CPS1: variants seen among roughly 807,000 people sequenced by gnomAD.
CPS1 encodes carbamoyl-phosphate synthase 1, also known as carbamoyl-phosphate synthase [ammonia], mitochondrial.
CPS1 carries 109 observed loss-of-function variants against 174.6 expected under a neutral mutation model. That is an observed-to-expected ratio of 0.62 (90% CI 0.53 to 0.73). CPS1 has a LOEUF of 0.73. Ranked by LOEUF, CPS1 falls within the 30% of genes least tolerant of loss-of-function variation. CPS1 has a pLI of 0.00. For synonymous variants in CPS1, 637 were observed against 632.0 expected, an observed-to-expected ratio of 1.01 and a Z score of -0.12; for missense variants, 1,689 against 1,821.9, an observed-to-expected ratio of 0.93 and a Z score of 1.33.
At chr2:210,525,669 G>A (rs983541490) in intron 1 of CPS1, among the ~76,000 whole-genome samples, 2 of 116,428 alleles carry the variant, frequency 1.7e-5, no homozygotes, top group East Asian at 2.3e-4. Context: ...CACAGAGGAA[G>A]CTCTTGAGTC....
rs377530333 is a variant in CPS1, at chr2:210,590,282, T to C, written c.840+48T>C. The C allele has an allele frequency of 2.5e-5, 40 of 1,611,248 alleles. No individual in the cohort carries two copies. The African/African-American group carries it at 4.4e-4, about 18-fold the overall frequency. ...GTGTATCTGTGTGGGAGGTGGGGGCTTCCGCTCTATACCCTCAAAGGGCTG... is the reference window on the plus strand; with the variant it reads ...GTGTATCTGTGTGGGAGGTGGGGGCCTCCGCTCTATACCCTCAAAGGGCTG... On this transcript the variant is annotated intron_variant, in intron 8 of 37. Coordinates refer to ENST00000233072, the MANE Select transcript of CPS1 (RefSeq NM_001875.5).
At position 210,628,323 on chromosome 2, in the gene CPS1, G is replaced by C. The variant is rs896327803; in HGVS notation, c.2688-9379G>C. 4.6e-5 allele frequency among the ~76,000 whole-genome samples: 7 copies of C among 152,070 alleles called. 1 individual carries two copies. Among genetic ancestry groups the C allele is most frequent in the African/African-American group, 1.7e-4 (7 of 41,400 alleles). ...ATAAAGATATCTGCTTTCCATGTAGGTAGTAAGCCTCATATCAACATAGAC... is the reference window on the plus strand; with the variant it reads ...ATAAAGATATCTGCTTTCCATGTAGCTAGTAAGCCTCATATCAACATAGAC... On this transcript the variant is annotated intron_variant, in intron 21 of 37. Transcript: ENST00000233072.
At chr2:210,542,959 A>G (rs889645834) in intron 1 of CPS1, among the ~76,000 whole-genome samples, 1 of 152,126 alleles carries the variant, frequency 6.6e-6, no homozygotes, top group Non-Finnish European at 1.5e-5. Context: ...ACCACAAGCA[A>G]CATGGCAGAG....
Position 210,591,890 on chromosome 2 carries a change from A to G in CPS1, c.1007A>G (p.Asn336Ser). ...AAACAGGCTTTCATTACTGCTCAGA[A>G]TCATGGCTATGCCTTGGACAACACC... ...TNKQAFITAQ[N>S]HGYALDNTLP... Residue 336 changes from asparagine to serine, a missense_variant, in exon 10 of 38, where the codon AAT becomes AGT. Asn to Ser is a conservative substitution (Grantham distance 46). Transcript: ENST00000233072. The G allele has an allele frequency of 6.2e-7, 1 of 1,612,598 alleles. No individual in the cohort carries two copies. The highest frequency in any genetic ancestry group is 8.5e-7 in the Non-Finnish European group (1 of 1,179,104).
chr2:210,577,455 A>T lies in CPS1; in HGVS notation c.416A>T (p.Asp139Val). 6.2e-7 allele frequency: 1 copy of T among 1,613,934 alleles called. No homozygotes were observed. Among genetic ancestry groups the T allele is most frequent in the Non-Finnish European group, 8.5e-7 (1 of 1,179,884 alleles). ...SGLLVLDYSK[D>V]YNHWLATKSL... ...TTGCTGGTGCTGGATTATAGTAAAGACTACAACCACTGGCTGGCTACCAAG... is the reference window on the plus strand; with the variant it reads ...TTGCTGGTGCTGGATTATAGTAAAGTCTACAACCACTGGCTGGCTACCAAG... The change falls in exon 4 of 38, where the codon GAC (aspartate) becomes GTC (valine). Residue 139 changes from aspartate to valine, a missense_variant. Asp to Val is a radical substitution (Grantham distance 152). Transcript: ENST00000233072.
intron 21 of CPS1, among the ~76,000 whole-genome samples, chr2:210,634,246 C>T (rs1699960879): frequency 6.6e-6 from 1 of 152,162 alleles, no homozygotes; most frequent in African/African-American, 2.4e-5. Flanking sequence ...CTGGCTAAGA[C>T]GGTGAAACTC....
At chr2:210,564,821 C>T (rs1469416259) in intron 1 of CPS1, among the ~76,000 whole-genome samples, 1 of 151,842 alleles carries the variant, frequency 6.6e-6, no homozygotes, top group Non-Finnish European at 1.5e-5. Flanking sequence ...GGTGAAACCC[C>T]ATCTCTACTA....
intron 21 of CPS1, among the ~76,000 whole-genome samples, chr2:210,624,403 A>C (rs1033606134): frequency 6.6e-6 from 1 of 152,104 alleles, no homozygotes; most frequent in African/African-American, 2.4e-5. Context: ...TTCAGTCTTC[A>C]TACTCCAAGC....
chr2:210,520,087 A>G (rs1250784186), intron 1 of CPS1, among the ~76,000 whole-genome samples: 1 of 152,042 alleles, frequency 6.6e-6, no homozygotes, highest in African/African-American at 2.4e-5. Flanking sequence ...TCATCCTAAG[A>G]TGGTGATGTA....
chr2:210,582,783 A>T (rs1697968709), intron 6 of CPS1, 74 bp downstream of exon 6: 1 of 1,172,830 alleles, frequency 8.5e-7, no homozygotes, highest in Admixed American at 1.7e-5. Flanking sequence ...CAAAATCTTT[A>T]TTTAGGCAGA....
At chr2:210,676,586 A>G (rs1574680403) in intron 36 of CPS1, among the ~76,000 whole-genome samples, 2 of 152,308 alleles carry the variant, frequency 1.3e-5, no homozygotes, top group South Asian at 4.1e-4. Flanking sequence ...GCCTCCAAGG[A>G]TGTAATAGCT....
At chr2:210,486,827 T>C (rs1694742429) in intron 1 of CPS1, among the ~76,000 whole-genome samples, 1 of 152,090 alleles carries the variant, frequency 6.6e-6, no homozygotes, top group Non-Finnish European at 1.5e-5. Flanking sequence ...TTCAAATGCA[T>C]TGTAGGTCAA....
chr2:210,496,651 CTACA>C lies in CPS1; in HGVS notation c.3+18888_3+18891del, dbSNP rs140627306. Among the ~76,000 whole-genome samples the C allele has an allele frequency of 5.0e-3, 755 of 152,162 alleles. 15 individuals are homozygous for C. The East Asian group carries it at 0.053, about 11-fold the overall frequency. ...ATACTGAATAGAGAAGTGACATAAC[CTACA>C]TAGAACTTAACCTTAGTTGCACTAC... On this transcript the variant is annotated intron_variant, in intron 1 of 38. Coordinates refer to the CPS1 transcript ENST00000430249.
chr2:210,556,866 C>T lies in CPS1; in HGVS notation c.126+7C>T. ...CAGGCTCCTTTCTGTCAAGGTAATACCCATATTGATTGTTTCTGATAAAAT... is the reference window on the plus strand; with the variant it reads ...CAGGCTCCTTTCTGTCAAGGTAATATCCATATTGATTGTTTCTGATAAAAT... On this transcript the variant is annotated splice_region_variant and intron_variant, in intron 1 of 37. Transcript: ENST00000233072. 1 of 1,612,514 alleles carries T rather than the reference C, an allele frequency of 6.2e-7. No individual in the cohort carries two copies. The highest frequency in any genetic ancestry group is 1.1e-5 in the South Asian group (1 of 91,048).
chr2:210,508,251 A>C (rs914844312), intron 1 of CPS1, among the ~76,000 whole-genome samples: 1 of 151,792 alleles, frequency 6.6e-6, no homozygotes, highest in Non-Finnish European at 1.5e-5. Flanking sequence ...ACTACACGGA[A>C]ACTGAACAAC....
chr2:210,661,542 A>T (rs115985030), intron 32 of CPS1, among the ~76,000 whole-genome samples: 2 of 152,144 alleles, frequency 1.3e-5, no homozygotes, highest in Non-Finnish European at 2.9e-5. Flanking sequence ...GACTTTTATG[A>T]TGGGAACTTT....
At chr2:210,626,906 A>T (rs1390634941) in intron 21 of CPS1, among the ~76,000 whole-genome samples, 1 of 152,180 alleles carries the variant, frequency 6.6e-6, no homozygotes, top group African/African-American at 2.4e-5. Context: ...GAAAAATATC[A>T]CTATCCTATT....
chr2:210,645,345 G>GT (rs753845180), intron 25 of CPS1, among the ~76,000 whole-genome samples: 6 of 152,086 alleles, frequency 3.9e-5, no homozygotes, highest in Non-Finnish European at 8.8e-5. Context: ...AAAAAAAGTA[G>GT]TTTTTTAAAA....
At chr2:210,648,130 T>C (rs111892673) in intron 26 of CPS1, 73 bp downstream of exon 26, 2 of 1,451,436 alleles carry the variant, frequency 1.4e-6, no homozygotes, top group Non-Finnish European at 1.9e-6. Context: ...TGACTGAATG[T>C]TGACTATTGG....
Sources: allele counts gnomAD v4.1 joint callset (sites outside exome capture counted in the v4.1 genomes callset), GRCh38; gene constraint gnomAD v4.1.1; transcripts MANE v1.5; gene names NCBI Gene and HGNC (gene_info 2026-07-23, HGNC 2026-07-21).